Variants in CSNK2A2IP observed in about 807,000 individuals in gnomAD.
The protein encoded by CSNK2A2IP is casein kinase II subunit alpha'-interacting protein.
At chr3:88,427,784 T>C in the CSNK2A2IP span, among the ~76,000 whole-genome samples, 1 of 152,186 alleles carries the variant, frequency 6.6e-6, no homozygotes, top group Non-Finnish European at 1.5e-5. Flanking sequence ...TATACCTGTA[T>C]GTCCAGGCAG....
the CSNK2A2IP span, among the ~76,000 whole-genome samples, chr3:88,457,852 A>G: frequency 1.3e-5 from 2 of 152,074 alleles, no homozygotes; most frequent in Admixed American, 6.5e-5. Context: ...TTTCTTAAAG[A>G]CTTGATAGGG....
the CSNK2A2IP span, among the ~76,000 whole-genome samples, chr3:88,351,229 T>G: frequency 6.6e-6 from 1 of 152,038 alleles, no homozygotes. Flanking sequence ...AATAACAAAT[T>G]CAGAGAGAGA....
the CSNK2A2IP span, among the ~76,000 whole-genome samples, chr3:88,418,461 T>C: frequency 6.2e-4 from 47 of 75,850 alleles, 1 homozygote; most frequent in East Asian, 3.2e-3. Flanking sequence ...TGTGTGTGTG[T>C]GTGCGCGCGG....
At chr3:88,425,984 T>C in the CSNK2A2IP span, among the ~76,000 whole-genome samples, 1 of 152,210 alleles carries the variant, frequency 6.6e-6, no homozygotes, top group Non-Finnish European at 1.5e-5. Flanking sequence ...ATACATAATT[T>C]GTGGCAATTT....
chr3:88,452,664 G>A, the CSNK2A2IP span, among the ~76,000 whole-genome samples: 1 of 152,134 alleles, frequency 6.6e-6, no homozygotes, highest in East Asian at 1.9e-4. Flanking sequence ...ATTTGGAATA[G>A]AGAATTGTAG....
At chr3:88,465,058 T>TCTGACCTCTC in the CSNK2A2IP span, 1 of 235,482 alleles carries the variant, frequency 4.2e-6, no homozygotes, top group Non-Finnish European at 8.1e-6. Flanking sequence ...CAGGACCTCT[T>TCTGACCTCTC]CTGACCTCTC....
chr3:88,383,241 A>C, the CSNK2A2IP span, among the ~76,000 whole-genome samples: 4 of 152,216 alleles, frequency 2.6e-5, no homozygotes, highest in Non-Finnish European at 5.9e-5. Context: ...TAAAATAAAA[A>C]ATATAAGAGA....
the CSNK2A2IP span, among the ~76,000 whole-genome samples, chr3:88,344,999 G>A: frequency 6.6e-6 from 1 of 151,958 alleles, no homozygotes; most frequent in Admixed American, 6.6e-5. Context: ...GGAAGATGCT[G>A]ATTAAAGCAT....
chr3:88,413,301 T>A, the CSNK2A2IP span, among the ~76,000 whole-genome samples: 99 of 151,826 alleles, frequency 6.5e-4, 2 homozygotes, highest in East Asian at 0.015. Context: ...CTTAGAGGAG[T>A]CAGTATCAAG....
chr3:88,386,504 A>G, the CSNK2A2IP span, among the ~76,000 whole-genome samples: 1 of 152,196 alleles, frequency 6.6e-6, no homozygotes, highest in South Asian at 2.1e-4. Flanking sequence ...TTGGTCAGGA[A>G]AGTATGCCAG....
At chr3:88,339,795 A>G in the CSNK2A2IP span, among the ~76,000 whole-genome samples, 15,612 of 152,126 alleles carry the variant, frequency 0.1, 1,274 homozygotes, top group Admixed American at 0.27. Context: ...TTTGTGTGAA[A>G]AAATGTTAAC....
the CSNK2A2IP span, among the ~76,000 whole-genome samples, chr3:88,446,527 T>C: frequency 2.0e-3 from 308 of 152,330 alleles, 1 homozygote; most frequent in African/African-American, 7.0e-3. Context: ...TCCTTCCTTT[T>C]TTAGGGTCCA....
At chr3:88,362,770 G>C in the CSNK2A2IP span, among the ~76,000 whole-genome samples, 3 of 152,170 alleles carry the variant, frequency 2.0e-5, no homozygotes, top group Non-Finnish European at 4.4e-5. Context: ...CAAAGGCCTG[G>C]AATAAGGAGC....
At chr3:88,426,887 G>A in the CSNK2A2IP span, among the ~76,000 whole-genome samples, 1 of 125,416 alleles carries the variant, frequency 8.0e-6, no homozygotes, top group Non-Finnish European at 1.8e-5. Context: ...TACCACGGGG[G>A]ATGGGGGGGG....
At chr3:88,365,449 T>G in the CSNK2A2IP span, among the ~76,000 whole-genome samples, 1 of 152,134 alleles carries the variant, frequency 6.6e-6, no homozygotes, top group Non-Finnish European at 1.5e-5. Context: ...CTTTGGGCCT[T>G]AAGGAAAATT....
the CSNK2A2IP span, among the ~76,000 whole-genome samples, chr3:88,353,154 C>T: frequency 6.6e-6 from 1 of 152,140 alleles, no homozygotes. Context: ...TTAGTTTCAA[C>T]TCCCCCAACT....
chr3:88,366,089 A>G, the CSNK2A2IP span, among the ~76,000 whole-genome samples: 1 of 121,828 alleles, frequency 8.2e-6, no homozygotes, highest in Non-Finnish European at 2.1e-5. Flanking sequence ...CATTTTGGCA[A>G]TATTCTCTTT....
the CSNK2A2IP span, among the ~76,000 whole-genome samples, chr3:88,362,543 C>G: frequency 6.6e-6 from 1 of 152,210 alleles, no homozygotes; most frequent in Non-Finnish European, 1.5e-5. Context: ...ACAGCTGACT[C>G]CACACTGATA....
At chr3:88,440,509 TG>T in the CSNK2A2IP span, among the ~76,000 whole-genome samples, 1 of 152,134 alleles carries the variant, frequency 6.6e-6, no homozygotes, top group Non-Finnish European at 1.5e-5. Context: ...AAAGTGGATA[TG>T]GGAAAAGGAT....
Sources: allele counts gnomAD v4.1 joint callset (sites outside exome capture counted in the v4.1 genomes callset), GRCh38; gene constraint gnomAD v4.1.1; transcripts MANE v1.5; gene names NCBI Gene and HGNC (gene_info 2026-07-23, HGNC 2026-07-21).